Variants in DYNC1LI1 observed in about 807,000 individuals in gnomAD.
DYNC1LI1 encodes the protein dynein cytoplasmic 1 light intermediate chain 1, also known as cytoplasmic dynein 1 light intermediate chain 1.
Under a neutral mutation model 63.8 loss-of-function variants are expected in DYNC1LI1, and 19 were observed. That is an observed-to-expected ratio of 0.30 (90% CI 0.21 to 0.44). The LOEUF is 0.44. Ranked by LOEUF, DYNC1LI1 falls within the 20% of genes least tolerant of loss-of-function variation. DYNC1LI1 has a pLI of 1.00. For missense variants in DYNC1LI1, 565 were observed against 630.2 expected (o/e 0.90, Z 1.11); for synonymous variants, 225 against 232.3 (o/e 0.97, Z 0.28).
Position 32,570,119 on chromosome 3 carries a change from A to T in DYNC1LI1, c.220+227T>A, listed in dbSNP as rs1004794866. On this transcript the variant is annotated intron_variant, in intron 2 of 12. Coordinates refer to ENST00000273130, the MANE Select transcript of DYNC1LI1 (RefSeq NM_016141.4). ...GAAGCTGTCAGGGCCACCCCCATAT[A>T]CCGGGGAGGAGGAGGAGGAACCTGA... is the stretch of plus-strand genomic sequence containing the variant. 10 of 677,082 alleles carry T rather than the reference A, an allele frequency of 1.5e-5. No homozygotes were observed. In the African/African-American group the frequency reaches 1.8e-4, roughly 12 times the overall value. 41.9% of individuals were successfully genotyped at this position (677,082 alleles called of 1,614,324 possible). A position where few individuals can be genotyped will look rare whatever the true frequency, so the allele number is the denominator to read the frequency against.
chr3:32,565,331 C>T (rs985879470), intron 2 of DYNC1LI1, among the ~76,000 whole-genome samples: 1 of 152,184 alleles, frequency 6.6e-6, no homozygotes. Context: ...ACCTAGTTTT[C>T]ATTAATTCAC....
intron 5 of DYNC1LI1, 175 bp from the exon 6 acceptor site, chr3:32,537,279 T>C (rs916639234): frequency 3.2e-5 from 12 of 369,790 alleles, no homozygotes; most frequent in Middle Eastern, 1.5e-3. Flanking sequence ...TTGGAGGGAC[T>C]AATGGATAAT....
At chr3:32,558,403 T>TAAAAAAAAAAAAAAAAA (rs533076265) in intron 2 of DYNC1LI1, among the ~76,000 whole-genome samples, 1 of 90,388 alleles carries the variant, frequency 1.1e-5, no homozygotes, top group Non-Finnish European at 2.1e-5. Context: ...TTTAAAAATG[T>TAAAAAAAAAAAAAAAAA]AAAAAAAAAA....
rs148181520 is a variant in DYNC1LI1 at position 32,561,424 on chromosome 3, C to T, written c.220+8922G>A. 7.0e-3 allele frequency among the ~76,000 whole-genome samples: 1,062 copies of T among 151,376 alleles called. 7 individuals are homozygous for T. The highest frequency in any genetic ancestry group is 0.022 in the African/African-American group (900 of 41,252). ...TAGGCAGATCATGAGGTCAGGAGAT[C>T]GAGACCATCCTGGCTAACACAGCGA... On this transcript the variant is annotated intron_variant, in intron 2 of 12. Coordinates refer to ENST00000273130, the MANE Select transcript of DYNC1LI1 (RefSeq NM_016141.4).
intron 2 of DYNC1LI1, among the ~76,000 whole-genome samples, chr3:32,546,345 T>C (rs1321378714): frequency 6.6e-6 from 1 of 151,876 alleles, no homozygotes; most frequent in Non-Finnish European, 1.5e-5. Context: ...GAGGCGGAGG[T>C]TGCAGTGAGC....
chr3:32,526,837 T>G lies in DYNC1LI1; in HGVS notation c.1534A>C (p.Thr512Pro). ...ITRKPVTVSP[T>P]TPTSPTEGEA... ...CCTTCCGTAGGAGATGTAGGTGTTGTGGGAGAAACTGTAACTGGTTTTCGT... is the reference window on the plus strand; with the variant it reads ...CCTTCCGTAGGAGATGTAGGTGTTGGGGGAGAAACTGTAACTGGTTTTCGT... The change falls in exon 13 of 13, where the codon ACA becomes CCA. Residue 512 changes from threonine to proline, a missense_variant. Coordinates refer to ENST00000273130, the MANE Select transcript of DYNC1LI1 (RefSeq NM_016141.4). 1 of 1,613,938 alleles carries G rather than the reference T, an allele frequency of 6.2e-7. No homozygotes were observed. The highest frequency in any genetic ancestry group is 8.5e-7 in the Non-Finnish European group (1 of 1,179,842).
In DYNC1LI1 at chr3:32,557,503, C is replaced by T. The variant is rs182624076; in HGVS notation, c.221-11538G>A. Among the ~76,000 whole-genome samples the T allele has an allele frequency of 7.6e-4, 115 of 150,510 alleles. 1 individual carries two copies. The highest frequency in any genetic ancestry group is 2.7e-3 in the African/African-American group (112 of 40,944). ...CACCACTGCACTCCAGCCTGGGCAA[C>T]GAGAGCAAGACTCCGTCTCAAAAAA... is the stretch of plus-strand genomic sequence containing the variant. On this transcript the variant is annotated intron_variant, in intron 2 of 12. Coordinates refer to ENST00000273130, the MANE Select transcript of DYNC1LI1 (RefSeq NM_016141.4).
intron 7 of DYNC1LI1, among the ~76,000 whole-genome samples, chr3:32,534,037 CGGG>C (rs1697741122): frequency 2.0e-5 from 3 of 151,834 alleles, no homozygotes; most frequent in African/African-American, 7.3e-5. Context: ...CCACCACACC[CGGG>C]CTAATTTTTG....
intron 2 of DYNC1LI1, among the ~76,000 whole-genome samples, chr3:32,558,247 A>G (rs1249289201): frequency 6.6e-6 from 1 of 151,908 alleles, no homozygotes; most frequent in African/African-American, 2.4e-5. Context: ...AACAACAACA[A>G]TTTCATAAAA....
chr3:32,555,408 A>C (rs1388640862), intron 2 of DYNC1LI1, among the ~76,000 whole-genome samples: 1 of 152,228 alleles, frequency 6.6e-6, no homozygotes, highest in East Asian at 1.9e-4. Flanking sequence ...AGGTTCTGTA[A>C]ACAAAATCCC....
intron 2 of DYNC1LI1, among the ~76,000 whole-genome samples, chr3:32,552,863 G>T (rs761129410): frequency 6.6e-6 from 1 of 152,000 alleles, no homozygotes; most frequent in South Asian, 2.1e-4. Context: ...ACGCCACCAC[G>T]CCCAGCTAAT....
intron 2 of DYNC1LI1, among the ~76,000 whole-genome samples, chr3:32,548,661 C>G (rs1697990661): frequency 6.6e-6 from 1 of 152,060 alleles, no homozygotes; most frequent in Non-Finnish European, 1.5e-5. Context: ...AGGAGGAATA[C>G]CTTCAAGAGA....
intron 2 of DYNC1LI1, among the ~76,000 whole-genome samples, chr3:32,551,443 T>C (rs1348886291): frequency 6.6e-6 from 1 of 152,080 alleles, no homozygotes; most frequent in African/African-American, 2.4e-5. Flanking sequence ...AAACAAACAG[T>C]GGAGGCCAGA....
At chr3:32,558,602 T>G (rs983420180) in intron 2 of DYNC1LI1, among the ~76,000 whole-genome samples, 11 of 151,866 alleles carry the variant, frequency 7.2e-5, no homozygotes, top group African/African-American at 2.7e-4. Context: ...TCCCAGCACT[T>G]TGGGAGGCCG....
intron 6 of DYNC1LI1, among the ~76,000 whole-genome samples, chr3:32,536,391 A>T (rs988537765): frequency 9.9e-5 from 15 of 152,170 alleles, no homozygotes; most frequent in African/African-American, 3.4e-4. Flanking sequence ...AAAGTCTCTA[A>T]AAAGTACTCA....
chr3:32,527,637 A>C (rs1370395876), intron 12 of DYNC1LI1, among the ~76,000 whole-genome samples: 1 of 152,204 alleles, frequency 6.6e-6, no homozygotes, highest in Non-Finnish European at 1.5e-5. Flanking sequence ...GAGTTACTAC[A>C]CAACCCAATA....
chr3:32,564,145 T>C (rs1260418199), intron 2 of DYNC1LI1, among the ~76,000 whole-genome samples: 2 of 152,116 alleles, frequency 1.3e-5, no homozygotes, highest in African/African-American at 4.8e-5. Context: ...TAGAAAAATA[T>C]AACAAATTTT....
chr3:32,532,295 T>C (rs576578867), intron 8 of DYNC1LI1: 60 of 151,836 alleles, frequency 4.0e-4, no homozygotes, highest in African/African-American at 1.4e-3. Flanking sequence ...GTGAAACCCA[T>C]TTCTACAAAA....
chr3:32,551,985 A>C (rs11719050), intron 2 of DYNC1LI1, among the ~76,000 whole-genome samples: 15,977 of 152,146 alleles, frequency 0.11, 1,096 homozygotes, highest in Middle Eastern at 0.16. Context: ...CTTCTCCCAA[A>C]CTACTTACTA....
Sources: gnomAD v4.1 joint callset for allele counts (sites outside exome capture counted in the v4.1 genomes callset) on GRCh38, gnomAD v4.1.1 for gene constraint, MANE v1.5 for transcripts, NCBI Gene and HGNC (gene_info 2026-07-23, HGNC 2026-07-21) for gene names.